KCNMA1: variants seen among roughly 807,000 people sequenced by gnomAD.
KCNMA1 encodes potassium calcium-activated channel subfamily M alpha 1, also known as Calcium-activated potassium channel subunit alpha-1.
A neutral mutation model predicts 140.0 loss-of-function variants in KCNMA1; 29 were observed. That is an observed-to-expected ratio of 0.21 (90% CI 0.15 to 0.28). The LOEUF (loss-of-function observed/expected upper bound fraction) is 0.28. Among genes scored for constraint, KCNMA1 ranks in the 10% least tolerant of loss-of-function variants. The pLI is 1.00. For synonymous variants in KCNMA1, 612 were observed against 611.9 expected (o/e 1.00, Z 0.00); for missense variants, 880 against 1,602.2 (o/e 0.55, Z 7.70).
At chr10:77,430,984 G>A (rs887976168) in intron 1 of KCNMA1, among the ~76,000 whole-genome samples, 37 of 152,094 alleles carry the variant, frequency 2.4e-4, no homozygotes, top group Admixed American at 2.4e-3. Flanking sequence ...GATTTTCTTG[G>A]GAAATATTCT....
chr10:77,554,523 G>A (rs2063652528), intron 1 of KCNMA1, among the ~76,000 whole-genome samples: 1 of 148,924 alleles, frequency 6.7e-6, no homozygotes. Context: ...CTTGAACCTG[G>A]GACGCAGAGG....
chr10:77,411,804 G>A (rs950993432), intron 1 of KCNMA1, among the ~76,000 whole-genome samples: 8 of 152,172 alleles, frequency 5.3e-5, no homozygotes, highest in Middle Eastern at 3.2e-3. Context: ...GAACCTGCCC[G>A]GAACCATAAA....
intron 3 of KCNMA1, among the ~76,000 whole-genome samples, chr10:77,223,746 G>C (rs575437479): frequency 6.6e-6 from 1 of 152,248 alleles, no homozygotes; most frequent in Non-Finnish European, 1.5e-5. Context: ...GTTGCAGATA[G>C]CACAGTTTCA....
At chr10:77,589,210 G>T (rs1345067422) in intron 1 of KCNMA1, among the ~76,000 whole-genome samples, 1 of 152,142 alleles carries the variant, frequency 6.6e-6, no homozygotes, top group Admixed American at 6.5e-5. Flanking sequence ...TAAATAAAAC[G>T]ACTTTGCAGC....
At chr10:77,292,576 T>A (rs576636652) in intron 2 of KCNMA1, among the ~76,000 whole-genome samples, 4 of 152,330 alleles carry the variant, frequency 2.6e-5, no homozygotes, top group African/African-American at 9.6e-5. Flanking sequence ...CCCTCTCCTG[T>A]CTGTTCTTCA....
At chr10:77,340,439 A>G (rs1391157171) in intron 2 of KCNMA1, among the ~76,000 whole-genome samples, 3 of 152,202 alleles carry the variant, frequency 2.0e-5, no homozygotes, top group African/African-American at 7.2e-5. Flanking sequence ...ACTAATCACA[A>G]TAGCACGGAC....
intron 1 of KCNMA1, among the ~76,000 whole-genome samples, chr10:77,487,244 C>T (rs1214451491): frequency 6.6e-6 from 1 of 152,174 alleles, no homozygotes; most frequent in African/African-American, 2.4e-5. Context: ...AACTTCTTTT[C>T]TGTAGGTAAT....
intron 2 of KCNMA1, among the ~76,000 whole-genome samples, chr10:77,316,197 C>T (rs1156305735): frequency 6.6e-6 from 1 of 152,140 alleles, no homozygotes; most frequent in Non-Finnish European, 1.5e-5. Context: ...CTCTGGCCAA[C>T]AGAAGGTTCA....
chr10:77,092,469 A>G (rs1033534615), intron 9 of KCNMA1, among the ~76,000 whole-genome samples: 50 of 152,334 alleles, frequency 3.3e-4, no homozygotes, highest in Middle Eastern at 6.8e-3. Context: ...TCCTCTGCAC[A>G]TAGACTTCCA....
At chr10:77,141,881 G>A (rs750448204) in intron 5 of KCNMA1, among the ~76,000 whole-genome samples, 25 of 152,146 alleles carry the variant, frequency 1.6e-4, no homozygotes, top group Non-Finnish European at 3.5e-4. Flanking sequence ...TTCTCAATGT[G>A]GATTAGTTCA....
At chr10:77,396,954 A>G (rs1300866626) in intron 2 of KCNMA1, among the ~76,000 whole-genome samples, 1 of 152,160 alleles carries the variant, frequency 6.6e-6, no homozygotes, top group South Asian at 2.1e-4. Flanking sequence ...GACACACAAA[A>G]CATTGAATCT....
At chr10:77,069,554 A>G (rs530992872) in intron 14 of KCNMA1, among the ~76,000 whole-genome samples, 186 of 152,304 alleles carry the variant, frequency 1.2e-3, no homozygotes, top group Non-Finnish European at 2.2e-3. Flanking sequence ...ATTTAGCAGT[A>G]GTTAGCAAAG....
chr10:77,031,303 G>A (rs2093921844), intron 15 of KCNMA1, among the ~76,000 whole-genome samples: 1 of 152,126 alleles, frequency 6.6e-6, no homozygotes, highest in South Asian at 2.1e-4. Flanking sequence ...AAATCAGATA[G>A]GGCCACATTG....
intron 23 of KCNMA1, among the ~76,000 whole-genome samples, chr10:76,923,739 T>C (rs530085900): frequency 6.6e-6 from 1 of 152,314 alleles, no homozygotes; most frequent in Non-Finnish European, 1.5e-5. Flanking sequence ...ATCCCAGTAC[T>C]TTGGAGGCCA....
At chr10:76,944,683 G>T (rs534636471) in intron 23 of KCNMA1, 90 bp downstream of exon 23, 17 of 1,234,266 alleles carry the variant, frequency 1.4e-5, no homozygotes, top group Middle Eastern at 2.6e-4. Flanking sequence ...GCTGATGTGA[G>T]CCTCTTTGAA....
At chr10:76,982,548 T>C (rs2079870771) in intron 19 of KCNMA1, among the ~76,000 whole-genome samples, 1 of 152,118 alleles carries the variant, frequency 6.6e-6, no homozygotes, top group South Asian at 2.1e-4. Flanking sequence ...TGGAAAATAC[T>C]AAACTGTATA....
At chr10:77,105,968 T>C (rs1024483430) in intron 9 of KCNMA1, among the ~76,000 whole-genome samples, 1 of 152,130 alleles carries the variant, frequency 6.6e-6, no homozygotes, top group African/African-American at 2.4e-5. Flanking sequence ...TGGCCAAACA[T>C]AACATTTCAT....
intron 1 of KCNMA1, among the ~76,000 whole-genome samples, chr10:77,477,045 C>T (rs1352664588): frequency 2.0e-5 from 3 of 152,186 alleles, no homozygotes; most frequent in Non-Finnish European, 4.4e-5. Flanking sequence ...CATCTGAAGG[C>T]AGGACACCTG....
At chr10:77,096,855 A>G (rs900742212) in intron 9 of KCNMA1, among the ~76,000 whole-genome samples, 6 of 152,100 alleles carry the variant, frequency 3.9e-5, no homozygotes, top group Non-Finnish European at 8.8e-5. Context: ...GAGCCTTCTA[A>G]TTGTGTTTTC....
Sources: gnomAD v4.1 joint callset for allele counts (sites outside exome capture counted in the v4.1 genomes callset) on GRCh38, gnomAD v4.1.1 for gene constraint, MANE v1.5 for transcripts, NCBI Gene and HGNC (gene_info 2026-07-23, HGNC 2026-07-21) for gene names.